The following ATP6V1H variants were observed in gnomAD, a reference collection of about 807,000 sequenced individuals.
The protein encoded by ATP6V1H is ATPase H+ transporting V1 subunit H.
ATP6V1H carries 39 observed loss-of-function variants against 71.7 expected under a neutral mutation model. The observed-to-expected ratio is 0.54, with a 90% CI of 0.42 to 0.71. ATP6V1H has a LOEUF of 0.71. Among genes scored for constraint, ATP6V1H ranks in the 30% least tolerant of loss-of-function variants. The pLI, the probability that ATP6V1H is intolerant of heterozygous loss-of-function variation, is 0.00. For synonymous variants in ATP6V1H, 192 were observed against 199.3 expected (o/e 0.96, Z 0.31); for missense variants, 509 against 594.9 (o/e 0.86, Z 1.50).
intron 11 of ATP6V1H, among the ~76,000 whole-genome samples, chr8:53,759,520 G>A (rs1049738515): frequency 1.3e-5 from 2 of 152,168 alleles, no homozygotes; most frequent in African/African-American, 4.8e-5. Context: ...AATGGATCCA[G>A]GCAGCAACAC....
chr8:53,776,427 G>C (rs370329393), intron 9 of ATP6V1H, among the ~76,000 whole-genome samples: 39 of 152,358 alleles, frequency 2.6e-4, no homozygotes, highest in African/African-American at 8.9e-4. Flanking sequence ...AAGCAAGCGA[G>C]GGCTGTGAGG....
intron 2 of ATP6V1H, 80 bp from the exon 3 acceptor site, chr8:53,833,166 CTT>C: frequency 8.9e-7 from 1 of 1,124,532 alleles, no homozygotes; most frequent in South Asian, 1.4e-5. Flanking sequence ...CAGTCCTTCT[CTT>C]CTCTCCTTGG....
chr8:53,807,116 A>G (rs1810102663), intron 7 of ATP6V1H, among the ~76,000 whole-genome samples: 2 of 152,222 alleles, frequency 1.3e-5, no homozygotes, highest in Non-Finnish European at 2.9e-5. Context: ...CTACTTAATC[A>G]GCACTTTTGA....
intron 1 of ATP6V1H, chr8:53,842,397 C>T (rs1257919247): frequency 6.6e-6 from 1 of 152,202 alleles, no homozygotes; most frequent in Non-Finnish European, 1.5e-5. Context: ...ATTCTCACTC[C>T]TAAACTTCCA....
At chr8:53,757,355 A>C (rs1469360325) in intron 11 of ATP6V1H, among the ~76,000 whole-genome samples, 1 of 152,158 alleles carries the variant, frequency 6.6e-6, no homozygotes, top group Non-Finnish European at 1.5e-5. Context: ...GCAGCTACCC[A>C]AGATGTGCAT....
intron 12 of ATP6V1H, among the ~76,000 whole-genome samples, chr8:53,755,686 A>T (rs79717137): frequency 0.55 from 8,259 of 15,142 alleles, 882 homozygotes; most frequent in East Asian, 0.61. Flanking sequence ...ACCAGCGTAC[A>T]TATATATATA....
intron 8 of ATP6V1H, among the ~76,000 whole-genome samples, chr8:53,800,249 T>C (rs1406541569): frequency 6.6e-6 from 1 of 152,220 alleles, no homozygotes. Flanking sequence ...ATGATACAGC[T>C]GTGCGTCCTC....
At chr8:53,742,412 C>T (rs1203953278) in intron 13 of ATP6V1H, among the ~76,000 whole-genome samples, 1 of 152,192 alleles carries the variant, frequency 6.6e-6, no homozygotes, top group Non-Finnish European at 1.5e-5. Flanking sequence ...TTCCCTCCAC[C>T]TAAAATGCTT....
At chr8:53,808,889 G>T (rs1342687526) in intron 7 of ATP6V1H, among the ~76,000 whole-genome samples, 1 of 151,854 alleles carries the variant, frequency 6.6e-6, no homozygotes, top group Non-Finnish European at 1.5e-5. Context: ...TAAGACTGTT[G>T]AATCATGTTT....
intron 6 of ATP6V1H, among the ~76,000 whole-genome samples, chr8:53,814,315 G>A (rs570111592): frequency 5.3e-4 from 81 of 152,032 alleles, no homozygotes; most frequent in African/African-American, 1.8e-3. Context: ...TTCCTTTATC[G>A]AAGCCTCACA....
At chr8:53,717,419 C>T (rs1806463589) in intron 13 of ATP6V1H, among the ~76,000 whole-genome samples, 1 of 152,202 alleles carries the variant, frequency 6.6e-6, no homozygotes, top group African/African-American at 2.4e-5. Context: ...CTGAATGAAG[C>T]ATCCCAGGAC....
In ATP6V1H at chr8:53,803,320, G is replaced by C. The variant is rs530845091; in HGVS notation, c.580-1424C>G. Among the ~76,000 whole-genome samples, 250 of 152,064 alleles carry C rather than the reference G, an allele frequency of 1.6e-3. 2 individuals carry two copies. Among genetic ancestry groups the C allele is most frequent in the African/African-American group, 5.3e-3 (218 of 41,474 alleles). On this transcript the variant is annotated intron_variant, in intron 7 of 13. Coordinates refer to ENST00000359530, the MANE Select transcript of ATP6V1H (RefSeq NM_015941.4). ...CCACTGCACTCTAGCCTGGGTGACA[G>C]AGTGAGACTCTATCTCAAAAAAAAA...
At chr8:53,756,061 TTTC>T (rs1373824235) in intron 12 of ATP6V1H, among the ~76,000 whole-genome samples, 2 of 138,908 alleles carry the variant, frequency 1.4e-5, no homozygotes, top group Non-Finnish European at 3.1e-5. Flanking sequence ...TACTATTCTT[TTTC>T]TTTTCTTTTT....
intron 11 of ATP6V1H, among the ~76,000 whole-genome samples, chr8:53,760,656 G>A (rs147930697): frequency 3.3e-5 from 5 of 152,236 alleles, no homozygotes; most frequent in East Asian, 1.9e-4. Flanking sequence ...CAAGGATCAC[G>A]TTGCTGCAGA....
At chr8:53,762,792 G>A in intron 11 of ATP6V1H, among the ~76,000 whole-genome samples, 1 of 152,216 alleles carries the variant, frequency 6.6e-6, no homozygotes, top group Non-Finnish European at 1.5e-5. Flanking sequence ...GTTGACCATT[G>A]AACAGCACAA....
chr8:53,822,388 A>G (rs755565398), intron 4 of ATP6V1H, among the ~76,000 whole-genome samples: 6 of 152,160 alleles, frequency 3.9e-5, no homozygotes, highest in Non-Finnish European at 5.9e-5. Flanking sequence ...ATAGCCACTA[A>G]AAAATGAGAA....
chr8:53,796,234 G>A (rs1444012350), intron 8 of ATP6V1H, among the ~76,000 whole-genome samples: 5 of 152,028 alleles, frequency 3.3e-5, no homozygotes, highest in Non-Finnish European at 7.4e-5. Flanking sequence ...GAAAAGAAGG[G>A]AAGCGCTTGG....
intron 13 of ATP6V1H, among the ~76,000 whole-genome samples, chr8:53,716,919 C>T (rs980991392): frequency 1.3e-5 from 2 of 152,136 alleles, no homozygotes; most frequent in Non-Finnish European, 2.9e-5. Context: ...AAAAGTTTTC[C>T]TCTTATAAAA....
At chr8:53,819,073 G>A (rs1377375663) in intron 4 of ATP6V1H, among the ~76,000 whole-genome samples, 1 of 151,906 alleles carries the variant, frequency 6.6e-6, no homozygotes, top group Non-Finnish European at 1.5e-5. Context: ...AGGTGTGGTG[G>A]CACACGCCTA....
Sources: gnomAD v4.1 joint callset for allele counts (sites outside exome capture counted in the v4.1 genomes callset) on GRCh38, gnomAD v4.1.1 for gene constraint, MANE v1.5 for transcripts, NCBI Gene and HGNC (gene_info 2026-07-23, HGNC 2026-07-21) for gene names.